LRMDA: variants seen among roughly 807,000 people sequenced by gnomAD.
LRMDA encodes leucine rich melanocyte differentiation associated.
Under a neutral mutation model 29.8 loss-of-function variants are expected in LRMDA, and 18 were observed. That is an observed-to-expected ratio of 0.60 (90% CI 0.42 to 0.90). The LOEUF is 0.90. Ranked by LOEUF, LRMDA falls within the 40% of genes least tolerant of loss-of-function variation. The pLI is 0.00. For missense variants in LRMDA, 273 were observed against 273.9 expected (o/e 1.00, Z 0.02); for synonymous variants, 125 against 109.4 (o/e 1.14, Z -0.89).
chr10:75,463,054 A>G (rs1052017421), intron 2 of LRMDA, among the ~76,000 whole-genome samples: 2 of 152,166 alleles, frequency 1.3e-5, no homozygotes, highest in Non-Finnish European at 2.9e-5. Context: ...TGTTAACTCC[A>G]GTTGCCGCTG....
chr10:75,928,404 A>C (rs780263728), intron 2 of LRMDA, among the ~76,000 whole-genome samples: 18 of 152,148 alleles, frequency 1.2e-4, no homozygotes, highest in Non-Finnish European at 2.4e-4. Context: ...CATCCTTTTC[A>C]CAAGAAAATA....
At chr10:76,186,326 A>G (rs1416353225) in intron 5 of LRMDA, among the ~76,000 whole-genome samples, 1 of 152,258 alleles carries the variant, frequency 6.6e-6, no homozygotes, top group Non-Finnish European at 1.5e-5. Context: ...AGAAAAAGGC[A>G]GAGGGGTAAC....
At chr10:76,150,771 C>T (rs770364841) in intron 5 of LRMDA, among the ~76,000 whole-genome samples, 5 of 152,222 alleles carry the variant, frequency 3.3e-5, no homozygotes, top group Non-Finnish European at 5.9e-5. Context: ...ACACACTTAA[C>T]GTCTGCTTTT....
At chr10:76,514,362 A>AGTTGTCAG (rs938546919) in intron 6 of LRMDA, among the ~76,000 whole-genome samples, 12 of 152,188 alleles carry the variant, frequency 7.9e-5, no homozygotes, top group Non-Finnish European at 1.6e-4. Flanking sequence ...TCAAAGGGCC[A>AGTTGTCAG]GTTGTCAGGT....
chr10:75,727,550 T>C (rs550143840), intron 2 of LRMDA, among the ~76,000 whole-genome samples: 5 of 152,390 alleles, frequency 3.3e-5, no homozygotes, highest in East Asian at 3.9e-4. Flanking sequence ...TTTTAAAATG[T>C]GTATTATATA....
intron 2 of LRMDA, among the ~76,000 whole-genome samples, chr10:75,868,908 C>T (rs151306721): frequency 1.2e-4 from 19 of 152,306 alleles, no homozygotes; most frequent in African/African-American, 4.1e-4. Context: ...CCCTGGCACA[C>T]ACCTTATAGA....
rs527951582 is a variant in LRMDA, at chr10:75,946,402, G to A, written c.132-89606G>A. 2.6e-5 allele frequency among the ~76,000 whole-genome samples: 4 copies of A among 152,342 alleles called. No homozygotes were observed. In the South Asian group the frequency reaches 6.2e-4, roughly 24 times the overall value. Reference sequence around the variant, plus strand: ...CTGTGCCCCTGTGCAGGGAGACATGGAGCATCTGACTGCACATGGGCCTTG... The same window carrying A: ...CTGTGCCCCTGTGCAGGGAGACATGAAGCATCTGACTGCACATGGGCCTTG... On this transcript the variant is annotated intron_variant, in intron 2 of 6. Coordinates refer to ENST00000611255, the MANE Select transcript of LRMDA (RefSeq NM_001305581.2).
chr10:75,685,927 A>T (rs1295848211), intron 2 of LRMDA, among the ~76,000 whole-genome samples: 1 of 152,218 alleles, frequency 6.6e-6, no homozygotes, highest in Non-Finnish European at 1.5e-5. Context: ...AGTGCTTTAC[A>T]TGCACCTCAT....
chr10:76,083,177 C>A (rs1486419325), intron 5 of LRMDA, among the ~76,000 whole-genome samples: 1 of 152,168 alleles, frequency 6.6e-6, no homozygotes, highest in Admixed American at 6.5e-5. Context: ...TAGAGGTGTG[C>A]CTTTGATATG....
intron 5 of LRMDA, among the ~76,000 whole-genome samples, chr10:76,235,407 A>G: frequency 6.6e-6 from 1 of 152,200 alleles, no homozygotes; most frequent in Non-Finnish European, 1.5e-5. Flanking sequence ...GAGACGTAAG[A>G]TAAGCACATG....
chr10:75,642,011 G>A (rs1470630912), intron 2 of LRMDA, among the ~76,000 whole-genome samples: 1 of 152,194 alleles, frequency 6.6e-6, no homozygotes, highest in Non-Finnish European at 1.5e-5. Flanking sequence ...CAAACATGGG[G>A]TGGATGATAT....
chr10:75,903,026 C>G (rs1415362147), intron 2 of LRMDA, among the ~76,000 whole-genome samples: 1 of 152,226 alleles, frequency 6.6e-6, no homozygotes, highest in Non-Finnish European at 1.5e-5. Flanking sequence ...AACGCCCAGT[C>G]TAGGAGGGGC....
chr10:75,768,667 C>T (rs1843200458), intron 2 of LRMDA, among the ~76,000 whole-genome samples: 1 of 152,120 alleles, frequency 6.6e-6, no homozygotes, highest in African/African-American at 2.4e-5. Flanking sequence ...TATTAATATA[C>T]TTTGCTTAAC....
intron 2 of LRMDA, among the ~76,000 whole-genome samples, chr10:75,650,538 C>T (rs749225133): frequency 1.3e-5 from 2 of 151,786 alleles, no homozygotes; most frequent in African/African-American, 4.8e-5. Flanking sequence ...ACATTTAGAC[C>T]GCTAGATAGG....
rs146445566 is a variant in LRMDA, at chr10:75,977,312, G to A, written c.132-58696G>A. On this transcript the variant is annotated intron_variant, in intron 2 of 6. Coordinates refer to ENST00000611255, the MANE Select transcript of LRMDA (RefSeq NM_001305581.2). ...TTTACAATATGCTTTTCGTAATGTT[G>A]CAGATGCTTCTTCCCCAGCTTCAGT... is the stretch of plus-strand genomic sequence containing the variant. Among the ~76,000 whole-genome samples, 180 of 152,244 alleles carry A rather than the reference G, an allele frequency of 1.2e-3. 1 individual carries two copies. The highest frequency in any genetic ancestry group is 2.3e-3 in the South Asian group (11 of 4,808).
chr10:75,782,472 G>T (rs1486362863), intron 2 of LRMDA, among the ~76,000 whole-genome samples: 3 of 151,868 alleles, frequency 2.0e-5, no homozygotes, highest in Admixed American at 1.3e-4. Flanking sequence ...GAATATTTCT[G>T]TTTTGTTTTT....
intron 2 of LRMDA, among the ~76,000 whole-genome samples, chr10:75,683,455 G>A (rs941230383): frequency 2.0e-5 from 3 of 152,204 alleles, no homozygotes; most frequent in Non-Finnish European, 4.4e-5. Flanking sequence ...AATCATGGCT[G>A]AGATATATCA....
intron 2 of LRMDA, among the ~76,000 whole-genome samples, chr10:75,971,548 T>G (rs1846970924): frequency 1.3e-5 from 2 of 152,222 alleles, no homozygotes; most frequent in Non-Finnish European, 2.9e-5. Context: ...CTAATCCAAG[T>G]GTTACATCAA....
intron 2 of LRMDA, among the ~76,000 whole-genome samples, chr10:75,871,929 T>C (rs139449661): frequency 4.0e-4 from 61 of 152,316 alleles, no homozygotes; most frequent in Non-Finnish European, 7.4e-4. Flanking sequence ...TGAAGGCAAA[T>C]GTATATTTTT....
Sources: allele counts gnomAD v4.1 joint callset (sites outside exome capture counted in the v4.1 genomes callset), GRCh38; gene constraint gnomAD v4.1.1; transcripts MANE v1.5; gene names NCBI Gene and HGNC (gene_info 2026-07-23, HGNC 2026-07-21).